Variants in ASXL2 observed in about 807,000 individuals in gnomAD.
ASXL2 encodes ASXL transcriptional regulator 2, also known as putative Polycomb group protein ASXL2.
In ASXL2, 23 loss-of-function variants were observed where a neutral mutation model predicts 122.0. The ratio of observed to expected loss-of-function variants is 0.19; its 90% CI spans 0.14 to 0.27. The LOEUF (loss-of-function observed/expected upper bound fraction) is 0.27, where lower values mean the gene tolerates loss of function less well. Among genes scored for constraint, ASXL2 ranks in the 10% least tolerant of loss-of-function variants. ASXL2 has a pLI of 1.00. For missense variants in ASXL2, 1,518 were observed against 1,713.8 expected (o/e 0.89, Z 2.02); for synonymous variants, 650 against 637.0 (o/e 1.02, Z -0.31).
At chr2:25,799,122 G>A (rs2088956764) in intron 5 of ASXL2, among the ~76,000 whole-genome samples, 1 of 152,076 alleles carries the variant, frequency 6.6e-6, no homozygotes, top group Non-Finnish European at 1.5e-5. Context: ...AAAAAAGAAA[G>A]CATTTTTATT....
intron 8 of ASXL2, among the ~76,000 whole-genome samples, chr2:25,763,055 A>G (rs1436081242): frequency 6.6e-6 from 1 of 152,216 alleles, no homozygotes; most frequent in African/African-American, 2.4e-5. Flanking sequence ...ATATAAAGAA[A>G]CTTCAAAACA....
chr2:25,779,096 T>C (rs1027945554), intron 5 of ASXL2, among the ~76,000 whole-genome samples: 1 of 144,132 alleles, frequency 6.9e-6, no homozygotes. Flanking sequence ...TTTTTTTTTT[T>C]TTTTTTTTTT....
chr2:25,764,480 A>G (rs1219612004), intron 8 of ASXL2, among the ~76,000 whole-genome samples: 1 of 152,220 alleles, frequency 6.6e-6, no homozygotes, highest in Non-Finnish European at 1.5e-5. Flanking sequence ...TAATGTTTTA[A>G]GAAAGCTTAT....
At chr2:25,842,692 GTA>G (rs769594746) in intron 2 of ASXL2, among the ~76,000 whole-genome samples, 4 of 129,594 alleles carry the variant, frequency 3.1e-5, no homozygotes, top group African/African-American at 2.6e-5. Context: ...TCAAGTGTGT[GTA>G]TATATATATA....
intron 1 of ASXL2, among the ~76,000 whole-genome samples, chr2:25,853,562 C>T (rs2089743377): frequency 6.6e-6 from 1 of 152,156 alleles, no homozygotes; most frequent in African/African-American, 2.4e-5. Context: ...TTCATCCTCC[C>T]ATGGCTTCAA....
At chr2:25,850,018 C>A (rs2089697474) in intron 1 of ASXL2, among the ~76,000 whole-genome samples, 1 of 152,064 alleles carries the variant, frequency 6.6e-6, no homozygotes, top group Admixed American at 6.6e-5. Flanking sequence ...TTACAATGAA[C>A]CACCACATAC....
At chr2:25,847,650 T>C (rs374640527) in intron 1 of ASXL2, among the ~76,000 whole-genome samples, 2 of 152,196 alleles carry the variant, frequency 1.3e-5, no homozygotes, top group East Asian at 3.8e-4. Flanking sequence ...TAAAAATGTA[T>C]TAAAGTACTG....
At chr2:25,767,768 T>G (rs1462202167) in intron 7 of ASXL2, 42 bp from the exon 8 acceptor site, 1 of 1,602,942 alleles carries the variant, frequency 6.2e-7, no homozygotes, top group Admixed American at 1.7e-5. Flanking sequence ...AGCACTGAGA[T>G]TATAGACAGA....
chr2:25,799,347 A>G (rs1264976799), intron 5 of ASXL2, 38 bp downstream of exon 5: 7 of 1,613,618 alleles, frequency 4.3e-6, no homozygotes, highest in East Asian at 2.2e-5. Context: ...TTTGTCCTAC[A>G]GCATTTAGTA....
chr2:25,794,152 A>G (rs1273333458), intron 5 of ASXL2, among the ~76,000 whole-genome samples: 1 of 152,242 alleles, frequency 6.6e-6, no homozygotes, highest in East Asian at 1.9e-4. Flanking sequence ...GACACAATAT[A>G]TATCAAATTC....
intron 1 of ASXL2, among the ~76,000 whole-genome samples, chr2:25,851,148 A>C (rs1244873580): frequency 2.9e-5 from 4 of 135,740 alleles, no homozygotes; most frequent in Admixed American, 1.5e-4. Context: ...CTCCTTCTCC[A>C]AAAAAAAAAA....
intron 7 of ASXL2, among the ~76,000 whole-genome samples, chr2:25,768,226 T>G (rs1479916888): frequency 6.6e-6 from 1 of 152,258 alleles, no homozygotes; most frequent in Non-Finnish European, 1.5e-5. Context: ...GGTTGCTGAT[T>G]AGAGGTTTCC....
In ASXL2 at chr2:25,771,545, G is replaced by C. The variant is rs769924481; in HGVS notation, c.404-5C>G. On this transcript the variant is annotated splice_polypyrimidine_tract_variant and splice_region_variant and intron_variant, in intron 5 of 12. Coordinates refer to ENST00000435504, the MANE Select transcript of ASXL2 (RefSeq NM_018263.6). ...ACTGCGGGGAGGACGACGATACTAG[G>C]GAAAAAAAAGTGACAATAAAAGATT... 5.0e-6 allele frequency: 8 copies of C among 1,602,388 alleles called. No homozygotes were observed. Among genetic ancestry groups the C allele is most frequent in the Non-Finnish European group, 6.0e-6 (7 of 1,174,990 alleles).
At chr2:25,872,025 A>C (rs1188911930) in intron 1 of ASXL2, among the ~76,000 whole-genome samples, 1 of 152,224 alleles carries the variant, frequency 6.6e-6, no homozygotes, top group East Asian at 1.9e-4. Context: ...AATGAGTGAA[A>C]ATTTTGCATA....
At chr2:25,759,438 C>T (rs1305089650) in intron 9 of ASXL2, 44 bp downstream of exon 9, 2 of 1,581,538 alleles carry the variant, frequency 1.3e-6, no homozygotes, top group South Asian at 1.1e-5. Flanking sequence ...TACAAGTATA[C>T]ATAAACAGCT....
chr2:25,781,032 C>G (rs1300088232), intron 5 of ASXL2, among the ~76,000 whole-genome samples: 1 of 143,370 alleles, frequency 7.0e-6, no homozygotes, highest in Non-Finnish European at 1.5e-5. Flanking sequence ...TACAGTGAGC[C>G]GAGATCATGC....
chr2:25,750,267 T>G lies in ASXL2; in HGVS notation c.1289A>C (p.Glu430Ala), dbSNP rs1187372403. 1.9e-6 allele frequency: 3 copies of G among 1,614,038 alleles called. No homozygotes were observed. Among genetic ancestry groups the G allele is most frequent in the Middle Eastern group, 1.6e-4 (1 of 6,062 alleles). ...IRIVPVVSQS[E>A]CKEEALQMSS... The stretch of plus-strand genomic sequence containing the variant: ...CATTTGCAATGCTTCTTCTTTACAC[T>G]CTGACTGGGAGACTACTGGAACTAT... The change falls in exon 12 of 13, where the codon GAG (glutamate) becomes GCG (alanine). Residue 430 changes from glutamate to alanine, a missense_variant. By Grantham distance (107) the Glu-to-Ala change is moderately radical. Around this residue, in one of 8 missense-constraint regions of ASXL2, gnomAD observed 292 missense variants for 293.5 expected, o/e 1.00. Transcript: ENST00000435504.
At chr2:25,807,986 T>TATACACACACACACAC (rs368346154) in intron 3 of ASXL2, among the ~76,000 whole-genome samples, 4 of 131,728 alleles carry the variant, frequency 3.0e-5, no homozygotes, top group South Asian at 2.7e-4. Flanking sequence ...AATCAGCTTT[T>TATACACACACACACAC]ACACACACAC....
intron 9 of ASXL2, 101 bp from the exon 10 acceptor site, chr2:25,756,215 T>C (rs747837588): frequency 4.6e-5 from 24 of 524,382 alleles, no homozygotes; most frequent in Non-Finnish European, 7.2e-5. Context: ...TATATATATT[T>C]ATTTTAATAG....
Sources: allele counts gnomAD v4.1 joint callset (sites outside exome capture counted in the v4.1 genomes callset), GRCh38; gene constraint gnomAD v4.1.1; regional missense constraint gnomAD v4.1.1; transcripts MANE v1.5; gene names NCBI Gene and HGNC (gene_info 2026-07-23, HGNC 2026-07-21).